Variants in HMGCLL1 observed in about 807,000 individuals in gnomAD.
HMGCLL1 encodes 3-hydroxy-3-methylglutaryl-CoA lyase like 1.
HMGCLL1 carries 36 observed loss-of-function variants against 39.1 expected under a neutral mutation model. That is an observed-to-expected ratio of 0.92 (90% CI 0.71 to 1.22). The LOEUF is 1.22. HMGCLL1 is among the 50% of genes most tolerant of loss of function. HMGCLL1 has a pLI of 0.00. For missense variants in HMGCLL1, 451 were observed against 416.5 expected (o/e 1.08, Z -0.72); for synonymous variants, 149 against 144.0 (o/e 1.03, Z -0.25).
At chr6:55,527,013 A>C (rs980984103) in intron 3 of HMGCLL1, among the ~76,000 whole-genome samples, 7 of 152,048 alleles carry the variant, frequency 4.6e-5, no homozygotes, top group Admixed American at 3.3e-4. Flanking sequence ...GTGAGTGCAA[A>C]AGCTGGGCAG....
rs144372322 is a variant in HMGCLL1 at position 55,501,792 on chromosome 6, T to C, written c.543-2493A>G. ...CTGCCAACATTGAAAATCACTCAAC[T>C]ATTAGCAATACTGCATCACCTGGAT... On this transcript the variant is annotated intron_variant, in intron 5 of 8. Transcript: ENST00000274901. Among the ~76,000 whole-genome samples, 37 of 152,020 alleles carry C rather than the reference T, an allele frequency of 2.4e-4. No individual in the cohort carries two copies. The East Asian group carries it at 4.3e-3, about 18-fold the overall frequency.
the HMGCLL1 span, among the ~76,000 whole-genome samples, chr6:55,630,554 G>A: frequency 7.2e-5 from 11 of 151,984 alleles, no homozygotes; most frequent in African/African-American, 2.7e-4. Context: ...ATGAGATTTG[G>A]GAGGGGCCAG....
intron 5 of HMGCLL1, 199 bp downstream of exon 5, chr6:55,513,849 C>G: frequency 1.9e-6 from 1 of 540,430 alleles, no homozygotes; most frequent in South Asian, 2.8e-5. Context: ...ATGACACATT[C>G]CACAAGCTAG....
chr6:55,589,907 A>T, the HMGCLL1 span, among the ~76,000 whole-genome samples: 1 of 152,196 alleles, frequency 6.6e-6, no homozygotes, highest in Non-Finnish European at 1.5e-5. Flanking sequence ...AAAAGAGGAT[A>T]TAAACAAATG....
chr6:55,561,862 C>A (rs1045379637), intron 1 of HMGCLL1, among the ~76,000 whole-genome samples: 1 of 151,950 alleles, frequency 6.6e-6, no homozygotes, highest in Non-Finnish European at 1.5e-5. Flanking sequence ...AATGATTTAT[C>A]TTTCTTCACT....
At chr6:55,497,902 TGAG>T (rs1766661290) in intron 6 of HMGCLL1, among the ~76,000 whole-genome samples, 1 of 151,810 alleles carries the variant, frequency 6.6e-6, no homozygotes, top group African/African-American at 2.4e-5. Context: ...AAGCAAAAAC[TGAG>T]GAGGGAGACA....
chr6:55,505,746 G>A (rs564608363), intron 5 of HMGCLL1, among the ~76,000 whole-genome samples: 1 of 151,698 alleles, frequency 6.6e-6, no homozygotes, highest in East Asian at 1.9e-4. Flanking sequence ...ATATAGTTTT[G>A]TTCCTAAAGC....
the HMGCLL1 span, among the ~76,000 whole-genome samples, chr6:55,638,829 G>T: frequency 6.6e-6 from 1 of 152,016 alleles, no homozygotes; most frequent in Admixed American, 6.6e-5. Flanking sequence ...ATAGTTTAGG[G>T]AATTAAGATA....
intron 3 of HMGCLL1, among the ~76,000 whole-genome samples, chr6:55,539,919 A>AAAG (rs1769266183): frequency 3.2e-5 from 4 of 124,484 alleles, no homozygotes; most frequent in Non-Finnish European, 6.9e-5. Context: ...AGAAAGAAAG[A>AAAG]AAAGGAGGAT....
chr6:55,641,090 G>A, the HMGCLL1 span, among the ~76,000 whole-genome samples: 2 of 151,344 alleles, frequency 1.3e-5, no homozygotes, highest in African/African-American at 4.8e-5. Context: ...ATATTACTGA[G>A]CAATTATTAA....
At chr6:55,563,243 G>A (rs12204933) in intron 1 of HMGCLL1, among the ~76,000 whole-genome samples, 7 of 152,082 alleles carry the variant, frequency 4.6e-5, no homozygotes, top group Non-Finnish European at 8.8e-5. Context: ...TTATAAATTA[G>A]TGATCTAAGA....
the HMGCLL1 span, among the ~76,000 whole-genome samples, chr6:55,609,279 A>C: frequency 1.3e-5 from 2 of 152,114 alleles, no homozygotes; most frequent in African/African-American, 4.8e-5. Flanking sequence ...TTCCTAAGAC[A>C]CTAAATTCCC....
At position 55,504,262 on chromosome 6, in the gene HMGCLL1, G is replaced by T. The variant is rs561991677; in HGVS notation, c.543-4963C>A. Among the ~76,000 whole-genome samples the T allele has an allele frequency of 2.6e-5, 4 of 151,630 alleles. No individual in the cohort carries two copies. The East Asian group carries it at 5.8e-4, about 22-fold the overall frequency. On this transcript the variant is annotated intron_variant, in intron 5 of 8. Transcript: ENST00000274901. ...CCCTGCCTGAAAAAGCCATTATTTT[G>T]ATTATGTTTCCATACATTCATATAT...
chr6:55,496,304 G>A (rs1204322130), intron 6 of HMGCLL1, among the ~76,000 whole-genome samples: 2 of 150,550 alleles, frequency 1.3e-5, no homozygotes, highest in African/African-American at 4.9e-5. Flanking sequence ...TAATACAAAT[G>A]TATTTTAAAA....
intron 7 of HMGCLL1, among the ~76,000 whole-genome samples, chr6:55,462,923 A>G (rs1363740835): frequency 1.3e-5 from 2 of 152,148 alleles, no homozygotes; most frequent in African/African-American, 4.8e-5. Flanking sequence ...TTGTGCATGA[A>G]AGGTACAAGG....
chr6:55,622,957 A>G, the HMGCLL1 span, among the ~76,000 whole-genome samples: 2 of 152,034 alleles, frequency 1.3e-5, no homozygotes, highest in Admixed American at 6.6e-5. Flanking sequence ...CAGTTCATTC[A>G]GGTTTTGGAT....
At chr6:55,537,099 T>TA (rs915682699) in intron 3 of HMGCLL1, among the ~76,000 whole-genome samples, 1 of 19,464 alleles carries the variant, frequency 5.1e-5, no homozygotes, top group African/African-American at 1.2e-4. Context: ...CTTCATAAGA[T>TA]TTTTTTTCCA....
intron 7 of HMGCLL1, among the ~76,000 whole-genome samples, chr6:55,485,870 C>G (rs912234020): frequency 6.6e-6 from 1 of 151,408 alleles, no homozygotes; most frequent in African/African-American, 2.4e-5. Flanking sequence ...CTCTAAAAAC[C>G]CTTGACTTAC....
At chr6:55,566,044 C>A (rs1771194649) in intron 1 of HMGCLL1, among the ~76,000 whole-genome samples, 1 of 152,048 alleles carries the variant, frequency 6.6e-6, no homozygotes, top group South Asian at 2.1e-4. Flanking sequence ...TTGTGTCTAA[C>A]AAAAATAAGA....
Sources: gnomAD v4.1 joint callset for allele counts (sites outside exome capture counted in the v4.1 genomes callset) on GRCh38, gnomAD v4.1.1 for gene constraint, MANE v1.5 for transcripts, NCBI Gene and HGNC (gene_info 2026-07-23, HGNC 2026-07-21) for gene names.